A2ML1: variants seen among roughly 807,000 people sequenced by gnomAD.
A2ML1 encodes the protein alpha-2-macroglobulin-like protein 1.
A neutral mutation model predicts 181.9 loss-of-function variants in A2ML1; 161 were observed. The ratio of observed to expected loss-of-function variants is 0.89; its 90% CI spans 0.78 to 1.01. The LOEUF (loss-of-function observed/expected upper bound fraction) is 1.01. Ranked by LOEUF, A2ML1 falls within the 50% of genes least tolerant of loss-of-function variation. The probability of loss-of-function intolerance (pLI) is 0.00; values close to 1 mark genes in which losing one functional copy is unlikely to be tolerated. For synonymous variants in A2ML1, 663 were observed against 666.8 expected (o/e 0.99, Z 0.09); for missense variants, 1,670 against 1,768.1 (o/e 0.94, Z 1.00).
At chr12:8,884,803 T>C (rs1008001236) in intron 7 of A2ML1, among the ~76,000 whole-genome samples, 8 of 152,236 alleles carry the variant, frequency 5.3e-5, no homozygotes, top group African/African-American at 1.9e-4. Flanking sequence ...ATTAGTTTGC[T>C]GAGTATAATG....
intron 3 of A2ML1, among the ~76,000 whole-genome samples, chr12:8,824,222 GTTTTTTT>G (rs34400836): frequency 6.5e-5 from 6 of 92,310 alleles, no homozygotes; most frequent in African/African-American, 1.3e-4. Flanking sequence ...AGCTACTGGG[GTTTTTTT>G]TTTTTTTTTT....
At chr12:8,879,606 G>A (rs979161668), downstream of A2ML1, among the ~76,000 whole-genome samples, 6 of 152,280 alleles carry the variant, frequency 3.9e-5, no homozygotes, top group East Asian at 1.9e-4. Context: ...CTTTTGGAAC[G>A]AAAGGAAATG....
intron 12 of A2ML1, chr12:8,844,960 G>A (rs1337731379): frequency 3.8e-6 from 5 of 1,330,194 alleles, no homozygotes; most frequent in Non-Finnish European, 4.8e-6. Context: ...GAGAGTGGAC[G>A]GGAAGGGGGA....
At chr12:8,848,674 A>G in intron 15 of A2ML1, 46 bp from the exon 16 acceptor site, 1 of 1,481,552 alleles carries the variant, frequency 6.7e-7, no homozygotes, top group Non-Finnish European at 9.1e-7. Context: ...TTCTCAACTG[A>G]TATCACTATA....
intron 4 of A2ML1, among the ~76,000 whole-genome samples, chr12:8,831,818 C>T (rs1219067564): frequency 2.3e-4 from 35 of 152,102 alleles, no homozygotes; most frequent in East Asian, 1.9e-4. Flanking sequence ...GGCGCGATCT[C>T]GGCTCGCCGC....
At chr12:8,850,524 G>C (rs145293798) in intron 18 of A2ML1, among the ~76,000 whole-genome samples, 1 of 152,060 alleles carries the variant, frequency 6.6e-6, no homozygotes, top group Non-Finnish European at 1.5e-5. Flanking sequence ...AGTGAAGCAA[G>C]ATCACATTGC....
At chr12:8,885,978 A>T (rs377450015) in intron 7 of A2ML1, among the ~76,000 whole-genome samples, 3 of 147,764 alleles carry the variant, frequency 2.0e-5, no homozygotes, top group African/African-American at 2.5e-5. Context: ...GTTTTGTCTC[A>T]TTGTTTACTT....
At chr12:8,887,079 G>C (rs989000769), downstream of A2ML1, 1 of 152,000 alleles carries the variant, frequency 6.6e-6, no homozygotes, top group Non-Finnish European at 1.5e-5. Context: ...GATCACTTAA[G>C]CCCAGGAGGT....
At chr12:8,868,669 G>T (rs375263209) in intron 32 of A2ML1, 42 bp downstream of exon 32, 4 of 1,558,836 alleles carry the variant, frequency 2.6e-6, no homozygotes, top group South Asian at 1.1e-5. Context: ...GCTGTGAGGG[G>T]ACCTAACGTT....
At position 8,851,932 on chromosome 12, in the gene A2ML1, ACT is replaced by A; in HGVS notation, c.2387_2388del (p.Leu796ProfsTer29). The A allele has an allele frequency of 6.2e-7, 1 of 1,613,674 alleles. No homozygotes were observed. The highest frequency in any genetic ancestry group is 1.1e-5 in the South Asian group (1 of 91,040). On this transcript the variant is annotated frameshift_variant, in exon 19 of 36. Transcript: ENST00000299698. LOFTEE classifies it high-confidence loss of function. ...TAFKPFFVDL[T>X]LPYSVVRGES... ...TTTCAAGCCGTTCTTTGTTGACCTG[ACT>A]CTCCCTTACTCAGTAGTCCGTGGGG... is the stretch of plus-strand genomic sequence containing the variant.
In A2ML1 at chr12:8,864,288, G is replaced by A. The variant is rs1381526965; in HGVS notation, c.3717+280G>A. On this transcript the variant is annotated intron_variant, in intron 29 of 35. Coordinates refer to ENST00000299698, the MANE Select transcript of A2ML1 (RefSeq NM_144670.6). ...AGCACTTTGAGAGGCCGAGGCAGGCGGATCACCTGAGGTCAGGAGTTCGAG... is the reference window on the plus strand; with the variant it reads ...AGCACTTTGAGAGGCCGAGGCAGGCAGATCACCTGAGGTCAGGAGTTCGAG... Among the ~76,000 whole-genome samples, 2 of 84,348 alleles carry A rather than the reference G, an allele frequency of 2.4e-5. 1 individual carries two copies. Among genetic ancestry groups the A allele is most frequent in the Middle Eastern group, 9.6e-3 (2 of 208 alleles). The allele number at this position is 84,348 out of a possible 152,430, so 55.3% of individuals were successfully genotyped here. A position where few individuals can be genotyped will look rare whatever the true frequency, so the allele number is the denominator to read the frequency against.
At chr12:8,875,117 C>G in intron 35 of A2ML1, 105 bp downstream of exon 35, 2 of 1,282,204 alleles carry the variant, frequency 1.6e-6, no homozygotes, top group South Asian at 1.3e-5. Context: ...GATAGAGTCT[C>G]GCGGTGTTGC....
At position 8,857,970 on chromosome 12, in the gene A2ML1, C is replaced by T. The variant is rs761786542; in HGVS notation, c.3132C>T (p.Cys1044=). 6.2e-7 allele frequency: 1 copy of T among 1,614,146 alleles called. No individual in the cohort carries two copies. The highest frequency in any genetic ancestry group is 8.5e-7 in the Non-Finnish European group (1 of 1,180,012). ...NTWLTAFVTK[C]FGQAQKFIFI... The stretch of plus-strand genomic sequence containing the variant: ...GGCTGACAGCGTTTGTCACAAAATG[C>T]TTTGGCCAAGCTCAGAAATTCATCT... The change falls in exon 26 of 36, where the codon TGC becomes TGT. Residue 1044 remains cysteine, a synonymous_variant. Coordinates refer to ENST00000299698, the MANE Select transcript of A2ML1 (RefSeq NM_144670.6).
At chr12:8,862,571 T>C (rs765214726) in intron 28 of A2ML1, among the ~76,000 whole-genome samples, 2 of 152,236 alleles carry the variant, frequency 1.3e-5, no homozygotes, top group African/African-American at 2.4e-5. Context: ...TTTTAATGCA[T>C]TTCATTTATC....
At chr12:8,846,037 T>G in intron 13 of A2ML1, 40 bp from the exon 14 acceptor site, 2 of 1,610,956 alleles carry the variant, frequency 1.2e-6, no homozygotes, top group South Asian at 2.2e-5. Flanking sequence ...CAGGTGAATG[T>G]GCATTCTGAT....
intron 28 of A2ML1, among the ~76,000 whole-genome samples, chr12:8,863,469 C>A (rs191457413): frequency 1.0e-3 from 157 of 152,132 alleles, no homozygotes; most frequent in Non-Finnish European, 9.4e-4. Flanking sequence ...ACAAAAATTG[C>A]CCCCAAACAC....
At position 8,860,889 on chromosome 12, in the gene A2ML1, T is replaced by G; in HGVS notation, c.3273T>G (p.Val1091=). 2 of 1,614,080 alleles carry G rather than the reference T, an allele frequency of 1.2e-6. No individual in the cohort carries two copies. The part of the protein sequence containing the change: ...NLLHTAMKGG[V]DDEVSLTAYV... The stretch of plus-strand genomic sequence containing the variant: ...TCCCTGTTTGCCTCTAGGGTGGTGT[T>G]GATGATGAGGTCTCCTTGACTGCGT... Residue 1091 remains valine, a synonymous_variant, in exon 27 of 36, where the codon GTT becomes GTG. Transcript: ENST00000299698.
intron 29 of A2ML1, 58 bp downstream of exon 29, chr12:8,864,066 A>G (rs1356914303): frequency 7.9e-6 from 12 of 1,519,136 alleles, no homozygotes. Context: ...TTGTGTGGAG[A>G]TAGAGGAAAA....
Position 8,823,202 on chromosome 12 carries a change from C to A in A2ML1, c.83C>A (p.Pro28Gln). 1 of 1,613,760 alleles carries A rather than the reference C, an allele frequency of 6.2e-7. No homozygotes were observed. The highest frequency in any genetic ancestry group is 8.5e-7 in the Non-Finnish European group (1 of 1,179,932). The change falls in exon 2 of 36, where the codon CCA becomes CAA. Residue 28 changes from proline (P) to glutamine (Q), a missense_variant. Physicochemically the swap from Pro to Gln is moderately conservative, Grantham distance 76 (BLOSUM62 -1). Coordinates refer to ENST00000299698, the MANE Select transcript of A2ML1 (RefSeq NM_144670.6). ...EELPNYLVTL[P>Q]ARLNFPSVQK... The stretch of plus-strand genomic sequence containing the variant: ...AATAGAAACTACCTGGTGACATTAC[C>A]AGCCCGGCTAAATTTCCCCTCCGTT...
Sources: allele counts gnomAD v4.1 joint callset (sites outside exome capture counted in the v4.1 genomes callset), GRCh38; gene constraint gnomAD v4.1.1; transcripts MANE v1.5; gene names NCBI Gene and HGNC (gene_info 2026-07-23, HGNC 2026-07-21).